Variants in GREB1L observed in about 807,000 individuals in gnomAD.
The protein encoded by GREB1L is GREB1-like protein.
A neutral mutation model predicts 200.8 loss-of-function variants in GREB1L; 17 were observed. The ratio of observed to expected loss-of-function variants is 0.08; its 90% CI spans 0.06 to 0.13. The LOEUF is 0.13. Among genes scored for constraint, GREB1L ranks in the 10% least tolerant of loss-of-function variants. The probability of loss-of-function intolerance (pLI) is 1.00; values close to 1 mark genes in which losing one functional copy is unlikely to be tolerated. For missense variants in GREB1L, 1,657 were observed against 2,367.7 expected (o/e 0.70, Z 6.23); for synonymous variants, 789 against 893.0 (o/e 0.88, Z 2.08).
intron 15 of GREB1L, among the ~76,000 whole-genome samples, chr18:21,458,331 G>A (rs1285277581): frequency 6.6e-6 from 1 of 152,086 alleles, no homozygotes; most frequent in African/African-American, 2.4e-5. Flanking sequence ...TCTTGGGCCT[G>A]GCACCAGCAG....
At chr18:21,296,906 C>A (rs1376555163) in intron 1 of GREB1L, among the ~76,000 whole-genome samples, 1 of 152,130 alleles carries the variant, frequency 6.6e-6, no homozygotes, top group East Asian at 1.9e-4. Context: ...CCACCCTCCT[C>A]GGCCTCCCAG....
intron 1 of GREB1L, among the ~76,000 whole-genome samples, chr18:21,282,671 C>T (rs184244463): frequency 6.6e-6 from 1 of 152,074 alleles, no homozygotes; most frequent in Admixed American, 6.6e-5. Context: ...ACAATCTCGG[C>T]TCATTGCAAC....
intron 4 of GREB1L, among the ~76,000 whole-genome samples, chr18:21,385,078 C>A (rs1177826006): frequency 6.6e-6 from 1 of 151,980 alleles, no homozygotes; most frequent in African/African-American, 2.4e-5. Context: ...CACTCTCTTC[C>A]CTCCATTTAA....
In GREB1L at chr18:21,285,175, T is replaced by C. The variant is rs541424510; in HGVS notation, c.-120+42782T>C. Among the ~76,000 whole-genome samples, 9 of 152,244 alleles carry C rather than the reference T, an allele frequency of 5.9e-5. 1 individual carries two copies. The East Asian group carries it at 1.7e-3, about 29-fold the overall frequency. ...TTTTGTTACTTTTTAATTTTTATCA[T>C]TTTAAAAATTTTCTGTTCATTTTCT... On this transcript the variant is annotated intron_variant, in intron 1 of 32. Transcript: ENST00000424526.
intron 2 of GREB1L, among the ~76,000 whole-genome samples, chr18:21,376,388 C>T (rs2040071450): frequency 6.8e-6 from 1 of 147,600 alleles, no homozygotes; most frequent in Non-Finnish European, 1.5e-5. Flanking sequence ...TCCCAAAGTG[C>T]TGGGATTACA....
chr18:21,513,908 A>C lies in GREB1L; in HGVS notation c.4823A>C (p.Gln1608Pro). The change falls in exon 28 of 33, where the codon CAG (glutamine) becomes CCG (proline). Residue 1608 changes from glutamine to proline, a missense_variant. Physicochemically the swap from Gln to Pro is moderately conservative, Grantham distance 76 (BLOSUM62 -1). Transcript: ENST00000424526. ...CTGGAGGAGCTAGGCATTAAACGCCAGTGTGTCTGGCCTTTCATCGTCATG... is the reference window on the plus strand; with the variant it reads ...CTGGAGGAGCTAGGCATTAAACGCCCGTGTGTCTGGCCTTTCATCGTCATG... ...NRLEELGIKR[Q>P]CVWPFIVMMD... 1.3e-6 allele frequency: 2 copies of C among 1,551,610 alleles called. No homozygotes were observed. The highest frequency in any genetic ancestry group is 1.7e-6 in the Non-Finnish European group (2 of 1,146,896).
At chr18:21,297,632 G>A (rs1195067703) in intron 1 of GREB1L, among the ~76,000 whole-genome samples, 1 of 152,180 alleles carries the variant, frequency 6.6e-6, no homozygotes, top group Non-Finnish European at 1.5e-5. Flanking sequence ...CAAGGTGAGA[G>A]AAGCCACAAC....
Position 21,524,451 on chromosome 18 carries a change from C to G in GREB1L, c.*1630C>G, listed in dbSNP as rs1373898517. ...CTTATATATGCTTTAAAAAATACTC[C>G]TTAATTTTAGTACAGCAGAATTTTT... On this transcript the variant is annotated 3_prime_UTR_variant, in exon 33 of 33. Coordinates refer to ENST00000424526, the MANE Select transcript of GREB1L (RefSeq NM_001142966.3). The G allele has an allele frequency of 1.3e-5, 2 of 152,102 alleles. No homozygotes were observed. Among genetic ancestry groups the G allele is most frequent in the African/African-American group, 4.8e-5 (2 of 41,404 alleles). The allele number at this position is 152,102 out of a possible 1,614,324, so 9.4% of individuals were successfully genotyped here.
chr18:21,383,535 C>T lies in GREB1L; in HGVS notation c.17C>T (p.Ala6Val), dbSNP rs920706160. The change falls in exon 3 of 33, where the codon GCT becomes GTT. Residue 6 changes from alanine to valine, a missense_variant. This residue lies in a region of GREB1L where 121 missense variants were observed against 126.6 expected (regional missense o/e 0.96). Coordinates refer to ENST00000424526, the MANE Select transcript of GREB1L (RefSeq NM_001142966.3). MGNSY[A>V]GQLKSARFEE... ...GTGTAGATCATGGGGAATTCATATG[C>T]TGGGCAACTGAAATCTGCTCGATTT... 2 of 1,520,632 alleles carry T rather than the reference C, an allele frequency of 1.3e-6. No homozygotes were observed. The highest frequency in any genetic ancestry group is 1.4e-5 in the African/African-American group (1 of 70,560). 94.2% of individuals were successfully genotyped at this position (1,520,632 alleles called of 1,614,324 possible).
chr18:21,269,729 TATTA>T (rs2038048694), intron 1 of GREB1L, among the ~76,000 whole-genome samples: 1 of 152,230 alleles, frequency 6.6e-6, no homozygotes, highest in Admixed American at 6.5e-5. Flanking sequence ...AAGAATATGT[TATTA>T]ATACTTTCAG....
At chr18:21,252,612 A>G (rs1037879920) in intron 1 of GREB1L, among the ~76,000 whole-genome samples, 1 of 151,260 alleles carries the variant, frequency 6.6e-6, no homozygotes, top group African/African-American at 2.4e-5. Flanking sequence ...TCAAGCTTGT[A>G]ATCCTAGCAC....
intron 7 of GREB1L, among the ~76,000 whole-genome samples, chr18:21,434,611 A>G (rs1444157698): frequency 6.7e-6 from 1 of 149,274 alleles, no homozygotes; most frequent in Admixed American, 6.8e-5. Flanking sequence ...GGGTCTGTGG[A>G]GACCACCTCC....
intron 4 of GREB1L, among the ~76,000 whole-genome samples, chr18:21,387,012 A>T (rs1421083552): frequency 6.6e-6 from 1 of 152,184 alleles, no homozygotes; most frequent in Non-Finnish European, 1.5e-5. Flanking sequence ...TTTAGAGGCA[A>T]TTTAGATAAG....
At chr18:21,481,435 ATGTATGTG>A (rs1358061126) in intron 17 of GREB1L, among the ~76,000 whole-genome samples, 3 of 124,448 alleles carry the variant, frequency 2.4e-5, no homozygotes, top group South Asian at 2.9e-4. Flanking sequence ...AACAGTATAT[ATGTATGTG>A]TGTGTGTGTG....
intron 5 of GREB1L, among the ~76,000 whole-genome samples, chr18:21,397,370 CA>C (rs1260550567): frequency 6.6e-6 from 1 of 151,362 alleles, no homozygotes; most frequent in Non-Finnish European, 1.5e-5. Context: ...CCGTCTCTAC[CA>C]AAAATTAGCC....
In GREB1L at chr18:21,451,113, T is replaced by G; in HGVS notation, c.1811T>G (p.Val604Gly). 6.4e-7 allele frequency: 1 copy of G among 1,551,450 alleles called. No homozygotes were observed. ...AGTTATGAGCTTATCACAGGAAAGG[T>G]CAGTTTCCTGGCATCACATTTCAAA... Reference protein sequence around the residue: ...EISYELITGKVSFLASHFKTT... With the variant: ...EISYELITGKGSFLASHFKTT... Residue 604 changes from valine to glycine, a missense_variant, in exon 13 of 33, where the codon GTC (valine) becomes GGC (glycine). This residue lies in a region of GREB1L where 239 missense variants were observed against 421.8 expected (regional missense o/e 0.57). Transcript: ENST00000424526.
intron 27 of GREB1L, among the ~76,000 whole-genome samples, chr18:21,513,580 CCCTTACA>C (rs1280161131): frequency 6.6e-6 from 1 of 152,198 alleles, no homozygotes; most frequent in Non-Finnish European, 1.5e-5. Context: ...TGGTTTCTGG[CCCTTACA>C]CCATACCGAC....
intron 1 of GREB1L, among the ~76,000 whole-genome samples, chr18:21,255,006 G>A (rs572220016): frequency 3.9e-4 from 59 of 152,196 alleles, no homozygotes; most frequent in Non-Finnish European, 8.1e-4. Context: ...CAGAGCCTGG[G>A]AAAGGGTCTA....
intron 1 of GREB1L, among the ~76,000 whole-genome samples, chr18:21,326,640 G>C (rs1032670757): frequency 3.9e-5 from 6 of 152,188 alleles, no homozygotes; most frequent in Admixed American, 1.3e-4. Flanking sequence ...GTTTACATTT[G>C]TAACACTTTA....
Sources: gnomAD v4.1 joint callset for allele counts (sites outside exome capture counted in the v4.1 genomes callset) on GRCh38, gnomAD v4.1.1 for gene constraint, gnomAD v4.1.1 regional missense constraint, MANE v1.5 for transcripts, NCBI Gene and HGNC (gene_info 2026-07-23, HGNC 2026-07-21) for gene names.